Variants in NCOA5 observed in about 807,000 individuals in gnomAD.
The protein encoded by NCOA5 is nuclear receptor coactivator 5, also known as NCoA-5.
In NCOA5, 12 loss-of-function variants were observed where a neutral mutation model predicts 59.0. The ratio of observed to expected loss-of-function variants is 0.20; its 90% CI spans 0.13 to 0.33. NCOA5 has a LOEUF of 0.33. Ranked by LOEUF, NCOA5 falls within the 10% of genes least tolerant of loss-of-function variation. The probability of loss-of-function intolerance (pLI) is 1.00; values close to 1 mark genes in which losing one functional copy is unlikely to be tolerated. For missense variants in NCOA5, 655 were observed against 766.6 expected (o/e 0.85, Z 1.72); for synonymous variants, 270 against 275.5 (o/e 0.98, Z 0.20).
chr20:46,085,363 A>G (rs1483933542), intron 1 of NCOA5, among the ~76,000 whole-genome samples: 5 of 152,128 alleles, frequency 3.3e-5, no homozygotes, highest in African/African-American at 1.2e-4. Context: ...GAGAGGCACA[A>G]GTACACAGAT....
In NCOA5 at chr20:46,063,590, T is replaced by C; in HGVS notation, c.920A>G (p.Glu307Gly). The C allele has an allele frequency of 6.2e-7, 1 of 1,614,168 alleles. No homozygotes were observed. Among genetic ancestry groups the C allele is most frequent in the African/African-American group, 1.3e-5 (1 of 75,046 alleles). The change falls in exon 7 of 8, where the codon GAG (glutamate) becomes GGG (glycine). Residue 307 changes from glutamate to glycine, a missense_variant. Glu to Gly is a moderately conservative substitution (Grantham distance 98). This residue lies in a region of NCOA5 where 325 missense variants were observed against 353.2 expected (regional missense o/e 0.92). Coordinates refer to ENST00000290231, the MANE Select transcript of NCOA5 (RefSeq NM_020967.3). Reference protein sequence around the residue: ...YKNECREKEREEIARQAAKMA... With the variant: ...YKNECREKERGEIARQAAKMA... ...CTTGGCTGCCTGTCTGGCAATCTCC[T>C]CACGTTCCTTCTCCCGGCACTCATT...
At chr20:46,084,541 A>C (rs1003853968) in intron 1 of NCOA5, among the ~76,000 whole-genome samples, 3 of 152,184 alleles carry the variant, frequency 2.0e-5, no homozygotes, top group Non-Finnish European at 2.9e-5. Context: ...AACATTCACC[A>C]CAACTCTTCC....
chr20:46,074,909 A>G (rs1306136197), intron 2 of NCOA5, among the ~76,000 whole-genome samples: 1 of 152,208 alleles, frequency 6.6e-6, no homozygotes, highest in East Asian at 1.9e-4. Context: ...TCTTTTCTGC[A>G]AAGGTCAGCA....
rs2084761193 is a variant in NCOA5 at position 46,061,423 on chromosome 20, T to C, written c.*877A>G. The C allele has an allele frequency of 6.6e-6, 1 of 152,578 alleles. No homozygotes were observed. The highest frequency in any genetic ancestry group is 1.5e-5 in the Non-Finnish European group (1 of 68,044). 9.5% of individuals were successfully genotyped at this position (152,578 alleles called of 1,614,324 possible). On this transcript the variant is annotated 3_prime_UTR_variant, in exon 8 of 8. Transcript: ENST00000290231. ...CTGCTCAGGAAACAGAATAAGAGTC[T>C]AGACAAAAACAAGAGCCTGGGGTTT...
rs1300346596 is a variant in NCOA5, at chr20:46,062,343, C to G, written c.1697G>C (p.Gly566Ala). 6.2e-7 allele frequency: 1 copy of G among 1,613,844 alleles called. No individual in the cohort carries two copies. The highest frequency in any genetic ancestry group is 1.3e-5 in the African/African-American group (1 of 74,896). The change falls in exon 8 of 8, where the codon GGG becomes GCG. Residue 566 changes from glycine (G) to alanine (A), a missense_variant. Gly to Ala is a moderately conservative substitution (Grantham distance 60). Coordinates refer to ENST00000290231, the MANE Select transcript of NCOA5 (RefSeq NM_020967.3). ...HLVSQTTAQMGQPQAPMGSYQ... is the reference protein window; with the variant it reads ...HLVSQTTAQMAQPQAPMGSYQ... ...AGATCCCATGGGGGCCTGTGGCTGC[C>G]CCATCTGTGCTGTGGTCTGGCTAAC... is the stretch of plus-strand genomic sequence containing the variant.
At chr20:46,064,714 T>C (rs760855479) in intron 6 of NCOA5, among the ~76,000 whole-genome samples, 21 of 152,190 alleles carry the variant, frequency 1.4e-4, no homozygotes, top group Non-Finnish European at 2.9e-4. Flanking sequence ...AACTGAAACA[T>C]GGTGGGAGTA....
chr20:46,070,405 G>A lies in NCOA5; in HGVS notation c.170C>T (p.Pro57Leu). The A allele has an allele frequency of 1.2e-6, 2 of 1,613,222 alleles. No individual in the cohort carries two copies. The highest frequency in any genetic ancestry group is 1.3e-5 in the African/African-American group (1 of 74,664). ...DARDSRDIRD[P>L]RDLRDHRHSR... Reference sequence around the variant, plus strand: ...ATGTCTGTGGTCCCGCAAGTCTCGGGGGTCTCGAATGTCTCTGCTGTCCCG... The same window carrying A: ...ATGTCTGTGGTCCCGCAAGTCTCGGAGGTCTCGAATGTCTCTGCTGTCCCG... The change falls in exon 3 of 8, where the codon CCC (proline) becomes CTC (leucine). Residue 57 changes from proline (P) to leucine (L), a missense_variant. Pro to Leu is a moderately conservative substitution (Grantham distance 98). Around this residue, in one of 3 missense-constraint regions of NCOA5, gnomAD observed 250 missense variants for 260.1 expected, o/e 0.96. Coordinates refer to ENST00000290231, the MANE Select transcript of NCOA5 (RefSeq NM_020967.3).
chr20:46,065,048 G>C lies in NCOA5; in HGVS notation c.810C>G (p.Ile270Met). The change falls in exon 6 of 8, where the codon ATC (isoleucine) becomes ATG (methionine). Residue 270 changes from isoleucine to methionine, a missense_variant. This residue lies in a region of NCOA5 where 80 missense variants were observed against 153.3 expected (regional missense o/e 0.52). Coordinates refer to ENST00000290231, the MANE Select transcript of NCOA5 (RefSeq NM_020967.3). ...HQIHRSCTVNIMFGTPQEHRN... is the reference protein window; with the variant it reads ...HQIHRSCTVNMMFGTPQEHRN... ...CTGTACCTTGCGGGGTTCCAAACAT[G>C]ATGTTGACTGTGCAGGAGCGGTGAA... is the stretch of plus-strand genomic sequence containing the variant. 4 of 1,614,192 alleles carry C rather than the reference G, an allele frequency of 2.5e-6. No homozygotes were observed. Among genetic ancestry groups the C allele is most frequent in the Non-Finnish European group, 3.4e-6 (4 of 1,180,036 alleles).
At chr20:46,073,860 G>A (rs1032576305) in intron 2 of NCOA5, among the ~76,000 whole-genome samples, 1 of 152,124 alleles carries the variant, frequency 6.6e-6, no homozygotes, top group Non-Finnish European at 1.5e-5. Context: ...CTCTAGATTC[G>A]CAAAGTCTGG....
At position 46,070,405 on chromosome 20, in the gene NCOA5, G is replaced by C. The variant is rs1343088951; in HGVS notation, c.170C>G (p.Pro57Arg). Reference protein sequence around the residue: ...DARDSRDIRDPRDLRDHRHSR... With the variant: ...DARDSRDIRDRRDLRDHRHSR... ...ATGTCTGTGGTCCCGCAAGTCTCGG[G>C]GGTCTCGAATGTCTCTGCTGTCCCG... The change falls in exon 3 of 8, where the codon CCC becomes CGC. Residue 57 changes from proline (P) to arginine (R), a missense_variant. Pro to Arg is a moderately radical substitution (Grantham distance 103). Transcript: ENST00000290231. 6.2e-7 allele frequency: 1 copy of C among 1,613,104 alleles called. No individual in the cohort carries two copies. Among genetic ancestry groups the C allele is most frequent in the Non-Finnish European group, 8.5e-7 (1 of 1,179,756 alleles).
intron 2 of NCOA5, 80 bp from the exon 3 acceptor site, chr20:46,070,616 C>T: frequency 7.4e-7 from 1 of 1,347,310 alleles, no homozygotes; most frequent in Non-Finnish European, 1.0e-6. Flanking sequence ...GAGAAAACCC[C>T]CACCCTCCAA....
intron 1 of NCOA5, among the ~76,000 whole-genome samples, chr20:46,081,884 C>T (rs2084995830): frequency 6.6e-6 from 1 of 151,752 alleles, no homozygotes; most frequent in South Asian, 2.1e-4. Flanking sequence ...TCCCCATACA[C>T]CCAAAAAATC....
intron 2 of NCOA5, among the ~76,000 whole-genome samples, chr20:46,078,994 G>A (rs1449814758): frequency 6.6e-6 from 1 of 152,092 alleles, no homozygotes; most frequent in Non-Finnish European, 1.5e-5. Context: ...ATCTGGACCG[G>A]CAGCCATTTG....
chr20:46,069,106 C>T (rs1239938817), intron 3 of NCOA5, among the ~76,000 whole-genome samples: 1 of 152,086 alleles, frequency 6.6e-6, no homozygotes, highest in Admixed American at 6.5e-5. Flanking sequence ...GCCACTGCGC[C>T]TGGCCTAACA....
intron 4 of NCOA5, among the ~76,000 whole-genome samples, chr20:46,067,835 ATT>A (rs958328723): frequency 1.3e-5 from 2 of 152,088 alleles, no homozygotes; most frequent in Non-Finnish European, 2.9e-5. Flanking sequence ...CCAAAAACCT[ATT>A]TTGCCTAGAT....
intron 3 of NCOA5, among the ~76,000 whole-genome samples, chr20:46,069,905 T>C (rs1409046752): frequency 2.6e-5 from 4 of 152,176 alleles, no homozygotes. Context: ...TAATTCTATG[T>C]TTAACTTTTT....
At chr20:46,076,095 C>G (rs1600627686) in intron 2 of NCOA5, among the ~76,000 whole-genome samples, 1 of 152,168 alleles carries the variant, frequency 6.6e-6, no homozygotes, top group East Asian at 1.9e-4. Context: ...TTATAAAGGT[C>G]TTGCCAGTAT....
In NCOA5 at chr20:46,068,405, T is replaced by C. The variant is rs1003675364; in HGVS notation, c.502+97A>G. 5.2e-6 allele frequency: 7 copies of C among 1,343,428 alleles called. 1 individual carries two copies. The highest frequency in any genetic ancestry group is 3.8e-4 in the Middle Eastern group (2 of 5,282). The allele number at this position is 1,343,428 out of a possible 1,614,324, so 83.2% of individuals were successfully genotyped here. On this transcript the variant is annotated intron_variant, in intron 4 of 7. Coordinates refer to ENST00000290231, the MANE Select transcript of NCOA5 (RefSeq NM_020967.3). ...TTTATACACTGCTTGGCCAAGGCAC[T>C]AGCCCTTTTTCAGATGGGGGTACTG...
At chr20:46,085,528 G>A (rs1319409451) in intron 1 of NCOA5, among the ~76,000 whole-genome samples, 2 of 152,118 alleles carry the variant, frequency 1.3e-5, no homozygotes, top group Admixed American at 6.6e-5. Flanking sequence ...AGGAGGCAGG[G>A]AAGGCTTAAA....
Sources: gnomAD v4.1 joint callset for allele counts (sites outside exome capture counted in the v4.1 genomes callset) on GRCh38, gnomAD v4.1.1 for gene constraint, gnomAD v4.1.1 regional missense constraint, MANE v1.5 for transcripts, NCBI Gene and HGNC (gene_info 2026-07-23, HGNC 2026-07-21) for gene names.